The following MEG3 variants were observed in gnomAD, a reference collection of about 807,000 sequenced individuals.
MEG3 encodes maternally expressed 3, also known as Very putative protein from MEG3 locus.
chr14:100,840,503 T>C lies in MEG3; in HGVS notation n.3045+4203T>C, dbSNP rs574409577. 5.1e-3 allele frequency among the ~76,000 whole-genome samples: 632 copies of C among 123,510 alleles called. 20 individuals are homozygous for C. The highest frequency in any genetic ancestry group is 0.039 in the Admixed American group (487 of 12,424). 81.0% of individuals were successfully genotyped at this position (123,510 alleles called of 152,430 possible). ...CCCTTTCAATGGAAGGTGCCTTTTTTTCCAGATGAAAAGAAGAAAACGTCA... is the reference window on the plus strand; with the variant it reads ...CCCTTTCAATGGAAGGTGCCTTTTTCTCCAGATGAAAAGAAGAAAACGTCA... On this transcript the variant is annotated intron_variant and non_coding_transcript_variant, in intron 2 of 3. Transcript: ENST00000398461.
At chr14:100,853,117 C>T (rs2038136736), upstream of MEG3, 1 of 152,306 alleles carries the variant, frequency 6.6e-6, no homozygotes, top group South Asian at 2.1e-4. Flanking sequence ...CCGGTTCTTT[C>T]TGTACCAGAC....
chr14:100,850,154 A>T lies in MEG3; in HGVS notation n.3121+4621A>T, dbSNP rs943361676. On this transcript the variant is annotated intron_variant and non_coding_transcript_variant, in intron 3 of 3. Transcript: ENST00000398461. ...TTAATAAGGAAAACAAATACCCAAA[A>T]TAAGGAAGACTGACAAATGAGTGAG... 3 of 152,252 alleles carry T rather than the reference A, an allele frequency of 2.0e-5. No individual in the cohort carries two copies. The East Asian group carries it at 5.8e-4, about 29-fold the overall frequency. The allele number at this position is 152,252 out of a possible 1,614,324, so 9.4% of individuals were successfully genotyped here. A position where few individuals can be genotyped will look rare whatever the true frequency, so the allele number is the denominator to read the frequency against.
At chr14:100,835,003 C>G (rs918253336) in exon 1 of MEG3, 1 of 361,758 alleles carries the variant, frequency 2.8e-6, no homozygotes, top group South Asian at 2.0e-5. Flanking sequence ...CACCGGCCAC[C>G]GTAGCCCATC....
chr14:100,835,014 C>T (rs1332210055), exon 1 of MEG3: 4 of 356,686 alleles, frequency 1.1e-5, no homozygotes, highest in East Asian at 7.5e-5. Context: ...GTAGCCCATC[C>T]CTTGATGGCC....
chr14:100,833,824 G>C (rs1236194777), downstream of MEG3: 1 of 152,168 alleles, frequency 6.6e-6, no homozygotes, highest in Non-Finnish European at 1.5e-5. Context: ...AAAAAACTAG[G>C]GGATAAGGGA....
At chr14:100,830,385 C>CACACACATA (rs72228212), downstream of MEG3, 81 of 139,290 alleles carry the variant, frequency 5.8e-4, no homozygotes, top group African/African-American at 2.2e-3. Context: ...ACACACACAC[C>CACACACATA]CCCTCGTGTA....
intron 3 of MEG3, chr14:100,848,550 T>A (rs941701116): frequency 1.3e-5 from 2 of 148,848 alleles, no homozygotes; most frequent in Non-Finnish European, 3.0e-5. Context: ...TCCAAAAGAA[T>A]GACAGAAAGA....
At chr14:100,858,894 C>G (rs1211451455) in exon 1 of MEG3, 3 of 152,710 alleles carry the variant, frequency 2.0e-5, no homozygotes, top group Non-Finnish European at 4.4e-5. Flanking sequence ...GGTGTCGATT[C>G]CTGGGTGGGC....
chr14:100,851,550 C>A (rs2038076234), intron 3 of MEG3: 1 of 152,162 alleles, frequency 6.6e-6, no homozygotes, highest in Non-Finnish European at 1.5e-5. Flanking sequence ...TGTGCCCAGG[C>A]CACCCTCTGG....
At chr14:100,839,671 G>A (rs1281109633) in intron 2 of MEG3, among the ~76,000 whole-genome samples, 1 of 152,220 alleles carries the variant, frequency 6.6e-6, no homozygotes, top group East Asian at 1.9e-4. Flanking sequence ...AGGAAAGGTG[G>A]GAGTGTGGGG....
At chr14:100,860,644 C>T (rs906748776) in intron 1 of MEG3, 10 of 456,424 alleles carry the variant, frequency 2.2e-5, no homozygotes, top group Non-Finnish European at 3.1e-5. Context: ...TGTCGGCCAG[C>T]GAGGCCGGGA....
At chr14:100,856,845 G>A (rs567116018), upstream of MEG3, 164 of 152,186 alleles carry the variant, frequency 1.1e-3, 1 homozygote, top group Non-Finnish European at 2.0e-3. Flanking sequence ...ACCTACTTGT[G>A]TCCGCCTTCA....
At chr14:100,828,095 C>T (rs939764619) in intron 1 of MEG3, among the ~76,000 whole-genome samples, 1 of 151,944 alleles carries the variant, frequency 6.6e-6, no homozygotes, top group African/African-American at 2.4e-5. Context: ...CGACCTGGCG[C>T]GGTGGCCTGG....
chr14:100,845,023 G>A lies in MEG3; in HGVS notation n.3046-435G>A, dbSNP rs762214707. Among the ~76,000 whole-genome samples, 13 of 152,244 alleles carry A rather than the reference G, an allele frequency of 8.5e-5. No individual in the cohort carries two copies. The Middle Eastern group carries it at 0.01, about 120-fold the overall frequency. On this transcript the variant is annotated intron_variant and non_coding_transcript_variant, in intron 2 of 3. Coordinates refer to the MEG3 transcript ENST00000398461. This position sits in a 1 kb window ranked among gnomAD's most constrained non-coding sequence, Gnocchi z 5.2. ...ATAGCCCTGCAGCCCTCTGTGGGCT[G>A]CCCTCCCGGCCACACCCCGCTTCCC... is the stretch of plus-strand genomic sequence containing the variant.
At chr14:100,827,523 C>G (rs914738490) in intron 1 of MEG3, 9 of 150,828 alleles carry the variant, frequency 6.0e-5, no homozygotes, top group African/African-American at 2.2e-4. Context: ...TGGAGGCGCA[C>G]AGAGGCACGT....
At chr14:100,830,490 C>T (rs918082453), downstream of MEG3, 31 of 152,102 alleles carry the variant, frequency 2.0e-4, no homozygotes, top group African/African-American at 6.0e-4. Context: ...CTCAAGCACC[C>T]GAGGCTGTCC....
At chr14:100,855,777 G>A (rs1459755639), upstream of MEG3, 1 of 152,226 alleles carries the variant, frequency 6.6e-6, no homozygotes, top group African/African-American at 2.4e-5. Flanking sequence ...TTGGTAAAGG[G>A]GCCGTGCTTG....
At chr14:100,855,479 G>T (rs1436994378), upstream of MEG3, 1 of 152,252 alleles carries the variant, frequency 6.6e-6, no homozygotes, top group Non-Finnish European at 1.5e-5. Flanking sequence ...GTGACCCAGG[G>T]TCGGGGTCAA....
chr14:100,842,973 G>C (rs1186346405), intron 2 of MEG3, among the ~76,000 whole-genome samples: 1 of 152,202 alleles, frequency 6.6e-6, no homozygotes, highest in African/African-American at 2.4e-5. Flanking sequence ...CATCTCTGCA[G>C]CTTTTCTGAC....
Sources: allele counts gnomAD v4.1 joint callset (sites outside exome capture counted in the v4.1 genomes callset), GRCh38; gene constraint gnomAD v4.1.1; non-coding constraint Gnocchi (gnomAD v3.1); transcripts MANE v1.5; gene names NCBI Gene and HGNC (gene_info 2026-07-23, HGNC 2026-07-21).